Variants in LARP1B observed in about 807,000 individuals in gnomAD.
LARP1B encodes the protein La ribonucleoprotein 1B, also known as la-related protein 1B.
In LARP1B, 76 loss-of-function variants were observed where a neutral mutation model predicts 114.2. That is an observed-to-expected ratio of 0.67 (90% confidence interval 0.55 to 0.81). The LOEUF (loss-of-function observed/expected upper bound fraction) is 0.81. LARP1B is among the 30% of genes least tolerant of loss of function. The pLI is 0.00. For synonymous variants in LARP1B, 345 were observed against 348.0 expected, an observed-to-expected ratio of 0.99 and a Z score of 0.10; for missense variants, 1,014 against 1,075.8, an observed-to-expected ratio of 0.94 and a Z score of 0.80.
intron 9 of LARP1B, chr4:128,108,565 T>C (rs763720092): frequency 1.2e-4 from 114 of 985,562 alleles, no homozygotes; most frequent in Non-Finnish European, 1.3e-4. Context: ...TATCATATGT[T>C]TCTTTGTCAG....
rs774195259 is a variant in LARP1B, at chr4:128,176,880, C to T, written c.1657C>T (p.Gln553Ter). 5.6e-6 allele frequency: 9 copies of T among 1,613,700 alleles called. No individual in the cohort carries two copies. The African/African-American group carries it at 1.2e-4, about 22-fold the overall frequency. ...APSQSRQGGVQGVLHIPKKDL... is the reference protein window; with the variant it reads ...APSQSRQGGV ...ATTAACTCTCTTGGCAGGAGGTGTT[C>T]AAGGAGTGCTTCACATTCCCAAGAA... is the stretch of plus-strand genomic sequence containing the variant. Residue 553 changes from glutamine (Q) to a stop codon, truncating the protein, a stop_gained, in exon 13 of 20, where the codon CAA (glutamine) becomes TAA (stop). Transcript: ENST00000326639. LOFTEE classifies it high-confidence loss of function.
rs1412881989 is a variant in LARP1B, at chr4:128,098,111, A to T, written c.669-75A>T. 5.1e-6 allele frequency: 6 copies of T among 1,170,116 alleles called. No individual in the cohort carries two copies. In the African/African-American group the frequency reaches 6.2e-5, roughly 12 times the overall value. The allele number at this position is 1,170,116 out of a possible 1,614,324, so 72.5% of individuals were successfully genotyped here. On this transcript the variant is annotated intron_variant, in intron 7 of 19. Transcript: ENST00000326639. ...ATTTTCATGTTAATGATTGGTTTTC[A>T]CAGTTAATGTGGGAGCAATAGAAAT... is the stretch of plus-strand genomic sequence containing the variant.
chr4:128,126,996 A>G (rs923352468), intron 11 of LARP1B, among the ~76,000 whole-genome samples: 1 of 152,168 alleles, frequency 6.6e-6, no homozygotes, highest in Admixed American at 6.5e-5. Context: ...AGCCAGAAAA[A>G]AAAGAGATTA....
At chr4:128,119,364 C>G (rs901814862) in intron 10 of LARP1B, among the ~76,000 whole-genome samples, 1 of 152,156 alleles carries the variant, frequency 6.6e-6, no homozygotes, top group Non-Finnish European at 1.5e-5. Flanking sequence ...TTTTCCTCCC[C>G]CCAGCTCTAT....
At chr4:128,111,488 C>T (rs1408926836) in intron 9 of LARP1B, among the ~76,000 whole-genome samples, 1 of 151,988 alleles carries the variant, frequency 6.6e-6, no homozygotes, top group African/African-American at 2.4e-5. Flanking sequence ...TGCTTGAGGC[C>T]AGGAGTTCAA....
At chr4:128,086,031 T>G (rs1773366234) in intron 5 of LARP1B, among the ~76,000 whole-genome samples, 1 of 94,090 alleles carries the variant, frequency 1.1e-5, no homozygotes, top group African/African-American at 3.8e-5. Context: ...TTTTTTTTTT[T>G]GAGACTGAGT....
At chr4:128,166,930 TTC>T (rs56916317) in intron 12 of LARP1B, among the ~76,000 whole-genome samples, 5,058 of 102,652 alleles carry the variant, frequency 0.049, 125 homozygotes, top group Non-Finnish European at 0.066. Flanking sequence ...TTATATTCTA[TTC>T]TCTCTCTCTC....
intron 11 of LARP1B, among the ~76,000 whole-genome samples, chr4:128,131,013 G>A (rs1336302029): frequency 6.6e-6 from 1 of 152,226 alleles, no homozygotes; most frequent in East Asian, 1.9e-4. Flanking sequence ...ATCAGTGATT[G>A]CCAATGGTTG....
chr4:128,140,957 A>T (rs1318994930), intron 11 of LARP1B, among the ~76,000 whole-genome samples: 1 of 151,902 alleles, frequency 6.6e-6, no homozygotes. Flanking sequence ...CTGGGATTAC[A>T]GGCATGCACC....
chr4:128,061,614 G>C (rs1760135450), intron 1 of LARP1B: 1 of 924,198 alleles, frequency 1.1e-6, no homozygotes, highest in Non-Finnish European at 1.3e-6. Flanking sequence ...GGAGCCGGCC[G>C]GTGTCCCGGC....
chr4:128,069,476 C>T, intron 1 of LARP1B: 1 of 754,956 alleles, frequency 1.3e-6, no homozygotes, highest in East Asian at 2.4e-5. Context: ...CCTTGTAGCC[C>T]AGCTGGTGCG....
At chr4:128,162,148 ACT>A in intron 11 of LARP1B, 44 bp from the exon 12 acceptor site, 2 of 1,581,636 alleles carry the variant, frequency 1.3e-6, no homozygotes, top group African/African-American at 1.4e-5. Flanking sequence ...TCTGTTGGTT[ACT>A]CTGTTAGCCA....
chr4:128,074,576 G>C (rs1191541811), intron 2 of LARP1B, 58 bp downstream of exon 2: 3 of 356,846 alleles, frequency 8.4e-6, no homozygotes, highest in Non-Finnish European at 1.2e-5. Flanking sequence ...TTGAGGCTAA[G>C]AACTCTTAGG....
chr4:128,100,977 C>G (rs1004887397), intron 8 of LARP1B, among the ~76,000 whole-genome samples: 2 of 150,986 alleles, frequency 1.3e-5, no homozygotes, highest in Admixed American at 1.3e-4. Flanking sequence ...GCCACCATGC[C>G]TGGCTAATTT....
At chr4:128,145,692 T>A (rs1344478870) in intron 11 of LARP1B, among the ~76,000 whole-genome samples, 1 of 152,192 alleles carries the variant, frequency 6.6e-6, no homozygotes, top group Non-Finnish European at 1.5e-5. Context: ...AAGCTTACTG[T>A]GCCATGGTTA....
At chr4:128,159,063 A>C (rs1265539101) in intron 11 of LARP1B, among the ~76,000 whole-genome samples, 1 of 151,788 alleles carries the variant, frequency 6.6e-6, no homozygotes, top group African/African-American at 2.4e-5. Context: ...CTGTAGTGCC[A>C]GCTACAGGTT....
chr4:128,077,623 C>G (rs1212186996), intron 3 of LARP1B, among the ~76,000 whole-genome samples, 165 bp from the exon 4 acceptor site: 1 of 151,650 alleles, frequency 6.6e-6, no homozygotes, highest in Non-Finnish European at 1.5e-5. Flanking sequence ...TTCTCCTAGT[C>G]TGCAGCTTTA....
chr4:128,212,919 T>TTC (rs1186359800), downstream of LARP1B, among the ~76,000 whole-genome samples: 1 of 143,852 alleles, frequency 7.0e-6, no homozygotes, highest in Non-Finnish European at 1.5e-5. Context: ...TCTCTTTTTT[T>TTC]TTTTTTTTTT....
Position 128,091,155 on chromosome 4 carries a change from A to G in LARP1B, c.502+11A>G. The G allele has an allele frequency of 1.2e-6, 2 of 1,605,518 alleles. No homozygotes were observed. Among genetic ancestry groups the G allele is most frequent in the Admixed American group, 1.7e-5 (1 of 57,830 alleles). On this transcript the variant is annotated intron_variant, in intron 6 of 19. Coordinates refer to ENST00000326639, the MANE Select transcript of LARP1B (RefSeq NM_018078.4). ...GAGGAAATCCTCGATGTATGACATA[A>G]TTTTTGTTTCGTTAAATTAGATAAA... is the stretch of plus-strand genomic sequence containing the variant.
Sources: allele counts gnomAD v4.1 joint callset (sites outside exome capture counted in the v4.1 genomes callset), GRCh38; gene constraint gnomAD v4.1.1; transcripts MANE v1.5; gene names NCBI Gene and HGNC (gene_info 2026-07-23, HGNC 2026-07-21).